The following WDR27 variants were observed in gnomAD, a reference collection of about 807,000 sequenced individuals.
The protein encoded by WDR27 is WD repeat-containing protein 27.
Under a neutral mutation model 114.4 loss-of-function variants are expected in WDR27, and 100 were observed. The ratio of observed to expected loss-of-function variants is 0.87; its 90% CI spans 0.74 to 1.03. The LOEUF is 1.03. Ranked by LOEUF, WDR27 falls within the 50% of genes least tolerant of loss-of-function variation. The pLI is 0.00. For synonymous variants in WDR27, 449 were observed against 423.1 expected (o/e 1.06, Z -0.75); for missense variants, 1,129 against 1,092.9 (o/e 1.03, Z -0.47).
chr6:169,473,023 G>A (rs1786636872), intron 25 of WDR27, among the ~76,000 whole-genome samples: 1 of 152,102 alleles, frequency 6.6e-6, no homozygotes, highest in African/African-American at 2.4e-5. Context: ...AACTTGCCTA[G>A]GACAGCTCTT....
intron 25 of WDR27, among the ~76,000 whole-genome samples, chr6:169,509,765 C>A (rs1055224254): frequency 4.6e-5 from 7 of 151,982 alleles, no homozygotes; most frequent in Non-Finnish European, 1.0e-4. Context: ...GCAACAAAAG[C>A]CAAAATTGAC....
At chr6:169,679,639 T>C (rs191237804) in intron 2 of WDR27, among the ~76,000 whole-genome samples, 1 of 152,324 alleles carries the variant, frequency 6.6e-6, no homozygotes, top group East Asian at 1.9e-4. Context: ...GTTTTCACCC[T>C]GTGAAGTACC....
In WDR27 at chr6:169,646,158, G is replaced by A. The variant is rs140056732; in HGVS notation, c.1657+1615C>T. Among the ~76,000 whole-genome samples, 13 of 152,328 alleles carry A rather than the reference G, an allele frequency of 8.5e-5. No individual in the cohort carries two copies. In the East Asian group the frequency reaches 1.2e-3, roughly 14 times the overall value. ...CATGGGGGTCTGCAGGTGCCAGACC[G>A]TGTTAATCCTTTCTCACATCCTCTA... On this transcript the variant is annotated intron_variant, in intron 16 of 25. Transcript: ENST00000448612.
chr6:169,548,679 T>A (rs1584130687), intron 25 of WDR27, among the ~76,000 whole-genome samples: 1 of 152,118 alleles, frequency 6.6e-6, no homozygotes, highest in East Asian at 1.9e-4. Context: ...ATCAAGACAG[T>A]GCTGTGTTGG....
chr6:169,591,978 G>A (rs144544948), intron 23 of WDR27, among the ~76,000 whole-genome samples: 40 of 151,994 alleles, frequency 2.6e-4, no homozygotes, highest in African/African-American at 8.2e-4. Flanking sequence ...TTTAGAGGTT[G>A]CAAAGAGGGT....
chr6:169,552,713 A>C (rs1201406544), intron 25 of WDR27, among the ~76,000 whole-genome samples: 1 of 152,246 alleles, frequency 6.6e-6, no homozygotes, highest in Non-Finnish European at 1.5e-5. Context: ...CTATCTTCTA[A>C]TATCTAATGT....
intron 23 of WDR27, among the ~76,000 whole-genome samples, chr6:169,591,487 G>C (rs1805731423): frequency 6.6e-6 from 1 of 152,194 alleles, no homozygotes; most frequent in African/African-American, 2.4e-5. Context: ...GTCCGAACAG[G>C]AAAGGCAGAC....
intron 23 of WDR27, among the ~76,000 whole-genome samples, chr6:169,597,576 G>T (rs1221106600): frequency 1.3e-5 from 2 of 152,058 alleles, no homozygotes; most frequent in Admixed American, 6.5e-5. Context: ...GTAAGCTAAG[G>T]TGTCCATTGG....
chr6:169,519,122 A>G (rs1794038430), intron 25 of WDR27, among the ~76,000 whole-genome samples: 1 of 152,158 alleles, frequency 6.6e-6, no homozygotes, highest in African/African-American at 2.4e-5. Context: ...TAGCACTATC[A>G]ACATTTTGGT....
At chr6:169,613,681 G>A in intron 21 of WDR27, 25 bp from the exon 22 acceptor site, 1 of 1,583,688 alleles carries the variant, frequency 6.3e-7, no homozygotes, top group Non-Finnish European at 8.7e-7. Context: ...GGGAAATCAA[G>A]ATGTACTTTC....
Position 169,651,956 on chromosome 6 carries a change from C to A in WDR27, c.1455G>T (p.Arg485Ser). ...DQRLVFHSKVRSSGYASAPHV... is the reference protein window; with the variant it reads ...DQRLVFHSKVSSSGYASAPHV... ...GTGGTGCTGACGCATAACCAGATGA[C>A]CTAACTTTACTATGGAAAACCAGGC... is the stretch of plus-strand genomic sequence containing the variant. Residue 485 changes from arginine to serine, a missense_variant, in exon 14 of 26, where the codon AGG (arginine) becomes AGT (serine). Physicochemically the swap from Arg to Ser is moderately radical, Grantham distance 110. Transcript: ENST00000448612. 1 of 1,613,838 alleles carries A rather than the reference C, an allele frequency of 6.2e-7. No homozygotes were observed. The highest frequency in any genetic ancestry group is 8.5e-7 in the Non-Finnish European group (1 of 1,179,854).
intron 25 of WDR27, among the ~76,000 whole-genome samples, chr6:169,510,595 C>T (rs1208266047): frequency 7.4e-6 from 1 of 134,778 alleles, no homozygotes; most frequent in Non-Finnish European, 1.5e-5. Flanking sequence ...AACACATGGA[C>T]ACAGGAAGGG....
At chr6:169,436,143 A>G in the WDR27 span, among the ~76,000 whole-genome samples, 1 of 152,210 alleles carries the variant, frequency 6.6e-6, no homozygotes, top group Non-Finnish European at 1.5e-5. Context: ...GAAAATAACC[A>G]TTTAATTAAT....
At chr6:169,646,551 C>T (rs1009923969) in intron 16 of WDR27, among the ~76,000 whole-genome samples, 4 of 152,098 alleles carry the variant, frequency 2.6e-5, no homozygotes, top group African/African-American at 4.8e-5. Flanking sequence ...GTTTTGAGGC[C>T]AGCGTGGCCA....
In WDR27 at chr6:169,677,147, C is replaced by T. The variant is rs146399388; in HGVS notation, c.190-4751G>A. 9.3e-3 allele frequency among the ~76,000 whole-genome samples: 1,422 copies of T among 152,288 alleles called. 19 individuals carry two copies. Among genetic ancestry groups the T allele is most frequent in the South Asian group, 0.05 (240 of 4,824 alleles). On this transcript the variant is annotated intron_variant, in intron 2 of 25. Coordinates refer to ENST00000448612, the MANE Select transcript of WDR27 (RefSeq NM_182552.5). ...AGAGTTTGGAGGGCTCAGAGGAAGACGAGATGCTGAGGGAAACTTTGGAAC... is the reference window on the plus strand; with the variant it reads ...AGAGTTTGGAGGGCTCAGAGGAAGATGAGATGCTGAGGGAAACTTTGGAAC...
At chr6:169,660,490 T>G (rs1205095670) in intron 10 of WDR27, among the ~76,000 whole-genome samples, 173 bp downstream of exon 10, 2 of 152,122 alleles carry the variant, frequency 1.3e-5, no homozygotes, top group Non-Finnish European at 2.9e-5. Flanking sequence ...AGGGCCCTCG[T>G]CCTTCGGATC....
intron 8 of WDR27, 73 bp downstream of exon 8, chr6:169,664,093 G>A: frequency 1.5e-6 from 2 of 1,370,960 alleles, no homozygotes; most frequent in Non-Finnish European, 2.0e-6. Context: ...GTGTGACCTA[G>A]GGCCCTTGAC....
At position 169,581,786 on chromosome 6, in the gene WDR27, C is replaced by T. The variant is rs551678842; in HGVS notation, c.2523+1050G>A. On this transcript the variant is annotated intron_variant, in intron 24 of 25. Coordinates refer to ENST00000448612, the MANE Select transcript of WDR27 (RefSeq NM_182552.5). ...AGGCACGGCAACATGCCCTGAACCA[C>T]GGCGATACGTCCTATAGCAGAGAAG... Among the ~76,000 whole-genome samples the T allele has an allele frequency of 5.7e-5, 8 of 141,086 alleles. No individual in the cohort carries two copies. The South Asian group carries it at 1.2e-3, about 22-fold the overall frequency. 92.6% of individuals were successfully genotyped at this position (141,086 alleles called of 152,430 possible).
At chr6:169,509,537 C>T (rs1165717598) in intron 25 of WDR27, among the ~76,000 whole-genome samples, 1 of 151,704 alleles carries the variant, frequency 6.6e-6, no homozygotes, top group Non-Finnish European at 1.5e-5. Context: ...GGAAAGGATT[C>T]CCTATTTAAT....
Sources: gnomAD v4.1 joint callset for allele counts (sites outside exome capture counted in the v4.1 genomes callset) on GRCh38, gnomAD v4.1.1 for gene constraint, MANE v1.5 for transcripts, NCBI Gene and HGNC (gene_info 2026-07-23, HGNC 2026-07-21) for gene names.